The following RAD51B variants were observed in gnomAD, a reference collection of about 807,000 sequenced individuals.
The protein encoded by RAD51B is DNA repair protein RAD51 homolog 2.
Under a neutral mutation model 42.2 loss-of-function variants are expected in RAD51B, and 38 were observed. The observed-to-expected ratio is 0.90, with a 90% CI of 0.70 to 1.18. The LOEUF is 1.18. Among genes scored for constraint, RAD51B ranks in the 50% most tolerant of loss-of-function variants. The probability of loss-of-function intolerance (pLI) is 0.00; values close to 1 mark genes in which losing one functional copy is unlikely to be tolerated. For missense variants in RAD51B, 373 were observed against 400.7 expected (o/e 0.93, Z 0.59); for synonymous variants, 154 against 145.2 (o/e 1.06, Z -0.43).
intron 9 of RAD51B, among the ~76,000 whole-genome samples, chr14:68,448,244 A>T (rs768101425): frequency 6.6e-6 from 1 of 152,258 alleles, no homozygotes; most frequent in Non-Finnish European, 1.5e-5. Context: ...GAGAAAACTC[A>T]CTTTAAGATT....
chr14:68,508,877 C>T (rs1176373116), intron 10 of RAD51B, among the ~76,000 whole-genome samples: 1 of 152,238 alleles, frequency 6.6e-6, no homozygotes, highest in Non-Finnish European at 1.5e-5. Flanking sequence ...GGGTTCCCTA[C>T]AAAGGGGTTT....
chr14:68,640,321 C>A (rs890776331), intron 10 of RAD51B, among the ~76,000 whole-genome samples: 2 of 152,198 alleles, frequency 1.3e-5, no homozygotes, highest in Non-Finnish European at 2.9e-5. Context: ...TGTCAACCTA[C>A]GGCAAACACC....
chr14:67,883,594 T>C (rs1478563109), intron 5 of RAD51B, among the ~76,000 whole-genome samples: 2 of 152,202 alleles, frequency 1.3e-5, no homozygotes, highest in Admixed American at 1.3e-4. Flanking sequence ...TGTCACCTTA[T>C]TAATAAGGCT....
At chr14:68,368,017 TG>T (rs2083178314) in intron 8 of RAD51B, among the ~76,000 whole-genome samples, 1 of 152,376 alleles carries the variant, frequency 6.6e-6, no homozygotes, top group South Asian at 2.1e-4. Flanking sequence ...TTGGCCTGTC[TG>T]GTTGCCAAAA....
intron 10 of RAD51B, among the ~76,000 whole-genome samples, chr14:68,515,456 T>G (rs954616079): frequency 6.7e-6 from 1 of 149,494 alleles, no homozygotes; most frequent in Non-Finnish European, 1.5e-5. Context: ...TTTTTTTTTT[T>G]TTTTTTTAGA....
At chr14:68,175,010 C>A (rs901988043) in intron 7 of RAD51B, among the ~76,000 whole-genome samples, 3 of 152,088 alleles carry the variant, frequency 2.0e-5, no homozygotes, top group African/African-American at 7.2e-5. Flanking sequence ...TGTTCTCTAC[C>A]TTTCTCCAGC....
intron 7 of RAD51B, among the ~76,000 whole-genome samples, chr14:68,140,693 C>CT (rs2078111123): frequency 6.6e-6 from 1 of 152,196 alleles, no homozygotes; most frequent in African/African-American, 2.4e-5. Flanking sequence ...TTGCAGTCCT[C>CT]TTCATACCCC....
intron 10 of RAD51B, among the ~76,000 whole-genome samples, chr14:68,501,318 A>G (rs1027331295): frequency 2.0e-5 from 3 of 152,248 alleles, no homozygotes; most frequent in Admixed American, 6.5e-5. Flanking sequence ...AGACTATGCT[A>G]TCAGACTGAG....
At chr14:68,662,941 G>C (rs1010454875) in intron 11 of RAD51B, among the ~76,000 whole-genome samples, 2 of 152,162 alleles carry the variant, frequency 1.3e-5, no homozygotes, top group Non-Finnish European at 2.9e-5. Context: ...CTTGTGGACC[G>C]CATTACTGGG....
At chr14:68,130,445 G>A (rs1316435158) in intron 7 of RAD51B, among the ~76,000 whole-genome samples, 1 of 152,224 alleles carries the variant, frequency 6.6e-6, no homozygotes, top group African/African-American at 2.4e-5. Flanking sequence ...GAAAACCAAT[G>A]TTGGGGAACA....
chr14:67,854,691 G>T (rs941080750), intron 4 of RAD51B, among the ~76,000 whole-genome samples: 2 of 138,424 alleles, frequency 1.4e-5, no homozygotes, highest in Non-Finnish European at 1.6e-5. Flanking sequence ...AGCTAGGTGT[G>T]GTGGCTCATG....
intron 10 of RAD51B, among the ~76,000 whole-genome samples, chr14:68,564,752 G>A (rs1889338193): frequency 6.6e-6 from 1 of 152,228 alleles, no homozygotes; most frequent in Non-Finnish European, 1.5e-5. Flanking sequence ...GAGCTGAAAT[G>A]GAAAACCTTG....
chr14:68,543,360 T>C (rs1888065262), intron 10 of RAD51B, among the ~76,000 whole-genome samples: 1 of 152,210 alleles, frequency 6.6e-6, no homozygotes, highest in Non-Finnish European at 1.5e-5. Flanking sequence ...ACTAAATTCT[T>C]TGAAGTCAAC....
intron 7 of RAD51B, among the ~76,000 whole-genome samples, chr14:68,101,149 T>A (rs1257560651): frequency 1.3e-5 from 2 of 152,086 alleles, no homozygotes; most frequent in Non-Finnish European, 2.9e-5. Flanking sequence ...CCTCCAAGAT[T>A]CAATTACCTC....
Position 68,046,244 on chromosome 14 carries a change from C to T in RAD51B, c.756+159040C>T, listed in dbSNP as rs555584588. 2.3e-3 allele frequency among the ~76,000 whole-genome samples: 351 copies of T among 152,288 alleles called. 1 individual carries two copies. Among genetic ancestry groups the T allele is most frequent in the African/African-American group, 8.2e-3 (340 of 41,560 alleles). ...GCTCAAGCAATCCTCTCACTTCAGC[C>T]TCCCAAGTAGCTGGGACTACATGCA... is the stretch of plus-strand genomic sequence containing the variant. On this transcript the variant is annotated intron_variant, in intron 7 of 10. Coordinates refer to ENST00000471583, the MANE Select transcript of RAD51B (RefSeq NM_133510.4).
At chr14:68,330,925 T>C (rs1251835022) in intron 8 of RAD51B, among the ~76,000 whole-genome samples, 2 of 152,166 alleles carry the variant, frequency 1.3e-5, no homozygotes, top group Non-Finnish European at 2.9e-5. Context: ...AGCTCTAGTA[T>C]GTATGTGGCA....
chr14:68,249,538 CA>C (rs574485473), intron 7 of RAD51B, among the ~76,000 whole-genome samples: 3 of 151,754 alleles, frequency 2.0e-5, no homozygotes, highest in Non-Finnish European at 2.9e-5. Context: ...TTTTAATCTA[CA>C]AAAAAAAGTA....
chr14:68,497,088 G>A, intron 10 of RAD51B: 1 of 1,357,208 alleles, frequency 7.4e-7, no homozygotes, highest in Non-Finnish European at 9.8e-7. Flanking sequence ...TCTTTTTCTA[G>A]GTATCTTGAC....
chr14:68,132,819 AC>A (rs2077923305), intron 7 of RAD51B, among the ~76,000 whole-genome samples: 2 of 152,242 alleles, frequency 1.3e-5, no homozygotes, highest in African/African-American at 4.8e-5. Flanking sequence ...CCTGGGTTAT[AC>A]ATCTCCCAAC....
Sources: allele counts gnomAD v4.1 joint callset (sites outside exome capture counted in the v4.1 genomes callset), GRCh38; gene constraint gnomAD v4.1.1; transcripts MANE v1.5; gene names NCBI Gene and HGNC (gene_info 2026-07-23, HGNC 2026-07-21).